Variants in ZFHX3 observed in about 807,000 individuals in gnomAD.
The protein encoded by ZFHX3 is zinc finger homeobox 3.
A neutral mutation model predicts 279.1 loss-of-function variants in ZFHX3; 42 were observed. The ratio of observed to expected loss-of-function variants is 0.15; its 90% CI spans 0.12 to 0.19. The LOEUF is 0.19. Among genes scored for constraint, ZFHX3 ranks in the 10% least tolerant of loss-of-function variants. The pLI, the probability that ZFHX3 is intolerant of heterozygous loss-of-function variation, is 1.00. For synonymous variants in ZFHX3, 2,293 were observed against 1,957.8 expected (o/e 1.17, Z -4.52); for missense variants, 4,981 against 4,754.0 (o/e 1.05, Z -1.40).
chr16:72,805,675 C>T (rs545591731), intron 7 of ZFHX3, among the ~76,000 whole-genome samples: 2 of 152,174 alleles, frequency 1.3e-5, no homozygotes, highest in South Asian at 4.1e-4. Context: ...AGGCCAGTTG[C>T]TCACTTCCTT....
At chr16:73,880,473 T>TAA (rs1316502378) in intron 1 of ZFHX3, among the ~76,000 whole-genome samples, 8 of 152,284 alleles carry the variant, frequency 5.3e-5, no homozygotes, top group African/African-American at 9.6e-5. Flanking sequence ...GTGGAGCTTT[T>TAA]AAAAATTATC....
chr16:72,985,403 C>T (rs961740846), intron 1 of ZFHX3, among the ~76,000 whole-genome samples: 9 of 152,196 alleles, frequency 5.9e-5, no homozygotes, highest in African/African-American at 2.2e-4. Flanking sequence ...ATGTGGATCA[C>T]AAAACAAATG....
intron 2 of ZFHX3, among the ~76,000 whole-genome samples, chr16:73,522,519 T>C (rs1011385041): frequency 1.3e-5 from 2 of 152,134 alleles, no homozygotes; most frequent in African/African-American, 2.4e-5. Flanking sequence ...GTTAATGATC[T>C]GGGGCAGTGA....
chr16:73,718,950 G>C (rs985250292), intron 1 of ZFHX3, among the ~76,000 whole-genome samples: 17 of 152,032 alleles, frequency 1.1e-4, no homozygotes, highest in African/African-American at 3.4e-4. Flanking sequence ...GCCCTCCTCC[G>C]TCAGATCATA....
intron 2 of ZFHX3, among the ~76,000 whole-genome samples, chr16:73,605,400 G>C (rs1037171937): frequency 1.3e-5 from 2 of 152,080 alleles, no homozygotes; most frequent in African/African-American, 4.8e-5. Context: ...CACATTTTAC[G>C]CTGGAAATCA....
chr16:73,359,828 C>T (rs751316575), intron 3 of ZFHX3, among the ~76,000 whole-genome samples: 3 of 152,248 alleles, frequency 2.0e-5, no homozygotes, highest in Non-Finnish European at 4.4e-5. Context: ...GGAGAAGCCG[C>T]TAATTTGATA....
intron 1 of ZFHX3, among the ~76,000 whole-genome samples, chr16:73,043,486 C>G (rs1268961861): frequency 6.6e-6 from 1 of 152,166 alleles, no homozygotes; most frequent in Non-Finnish European, 1.5e-5. Flanking sequence ...AAGCAAGAAA[C>G]TCCATGAATG....
chr16:73,265,078 C>CGTGCGT (rs1555507010), intron 4 of ZFHX3, among the ~76,000 whole-genome samples: 1 of 145,928 alleles, frequency 6.9e-6, no homozygotes, highest in Non-Finnish European at 1.5e-5. Context: ...CGCATATATG[C>CGTGCGT]GTGTGTGTGT....
At chr16:73,251,871 C>CA (rs1246533008) in intron 5 of ZFHX3, among the ~76,000 whole-genome samples, 43 of 131,818 alleles carry the variant, frequency 3.3e-4, no homozygotes, top group African/African-American at 1.3e-3. Context: ...CACGCACACA[C>CA]CATGCACACA....
intron 5 of ZFHX3, among the ~76,000 whole-genome samples, chr16:73,162,624 G>A (rs1341109748): frequency 6.6e-6 from 1 of 152,076 alleles, no homozygotes; most frequent in Non-Finnish European, 1.5e-5. Flanking sequence ...ACCACACCCG[G>A]CTAATTTTTG....
intron 1 of ZFHX3, among the ~76,000 whole-genome samples, chr16:73,735,233 G>C (rs1036902906): frequency 1.3e-5 from 2 of 152,114 alleles, no homozygotes; most frequent in African/African-American, 4.8e-5. Flanking sequence ...TATTTGGAAT[G>C]AAATCTTGTG....
chr16:73,577,723 A>C (rs557047642), intron 2 of ZFHX3, among the ~76,000 whole-genome samples: 1 of 152,322 alleles, frequency 6.6e-6, no homozygotes, highest in South Asian at 2.1e-4. Flanking sequence ...AGAAGGAAAA[A>C]TCTAAATTTT....
At chr16:72,838,974 G>A (rs1168166832) in intron 4 of ZFHX3, among the ~76,000 whole-genome samples, 3 of 152,018 alleles carry the variant, frequency 2.0e-5, no homozygotes, top group Middle Eastern at 3.4e-3. Flanking sequence ...AAACGCTCTC[G>A]GAATACACGC....
At position 73,605,984 on chromosome 16, in the gene ZFHX3, C is replaced by G. The variant is rs964486483; in HGVS notation, c.-1547+74196G>C. Among the ~76,000 whole-genome samples the G allele has an allele frequency of 5.3e-5, 8 of 151,398 alleles. No homozygotes were observed. In the South Asian group the frequency reaches 6.3e-4, roughly 12 times the overall value. Reference sequence around the variant, plus strand: ...CGGATCACGAGGTCAGGAGATGAGACCATCCTGGCTAACACAGTGAAAGCC... The same window carrying G: ...CGGATCACGAGGTCAGGAGATGAGAGCATCCTGGCTAACACAGTGAAAGCC... On this transcript the variant is annotated intron_variant, in intron 2 of 17. Transcript: ENST00000641206.
chr16:73,646,037 A>C lies in ZFHX3; in HGVS notation c.-1547+34143T>G, dbSNP rs549795704. 8.7e-4 allele frequency among the ~76,000 whole-genome samples: 133 copies of C among 152,316 alleles called. 1 individual carries two copies. The highest frequency in any genetic ancestry group is 1.6e-3 in the Non-Finnish European group (107 of 68,018). ...AATCGATATAGCCTTTTGGATGGGA[A>C]ATTTTGAAATGTGTTTCAAAAGACT... On this transcript the variant is annotated intron_variant, in intron 2 of 17. Transcript: ENST00000641206.
intron 4 of ZFHX3, among the ~76,000 whole-genome samples, chr16:73,303,278 T>G (rs549653139): frequency 5.3e-5 from 8 of 152,300 alleles, no homozygotes; most frequent in African/African-American, 1.9e-4. Flanking sequence ...TTCTCCCATC[T>G]CAGCCTCCCA....
At chr16:73,627,689 C>T (rs891677244) in intron 2 of ZFHX3, among the ~76,000 whole-genome samples, 2 of 152,146 alleles carry the variant, frequency 1.3e-5, no homozygotes, top group Non-Finnish European at 2.9e-5. Flanking sequence ...GAGGCCGAGG[C>T]AGGTGGATCA....
intron 1 of ZFHX3, among the ~76,000 whole-genome samples, chr16:72,992,061 G>A (rs1018696671): frequency 3.9e-5 from 6 of 152,202 alleles, no homozygotes; most frequent in Admixed American, 1.3e-4. Context: ...GGGCAGAGGG[G>A]TCTCTTCCAC....
chr16:72,934,963 G>C (rs974672137), intron 3 of ZFHX3, among the ~76,000 whole-genome samples: 8 of 152,210 alleles, frequency 5.3e-5, no homozygotes, highest in Non-Finnish European at 1.2e-4. Context: ...ACCAGCATTT[G>C]TAAAACAAAA....
Sources: gnomAD v4.1 joint callset for allele counts (sites outside exome capture counted in the v4.1 genomes callset) on GRCh38, gnomAD v4.1.1 for gene constraint, MANE v1.5 for transcripts, NCBI Gene and HGNC (gene_info 2026-07-23, HGNC 2026-07-21) for gene names.